ENOX1: variants seen among roughly 807,000 people sequenced by gnomAD.
The protein encoded by ENOX1 is ecto-NOX disulfide-thiol exchanger 1.
In ENOX1, 42 loss-of-function variants were observed where a neutral mutation model predicts 82.5. The observed-to-expected ratio is 0.51, with a 90% CI of 0.40 to 0.66. The LOEUF (loss-of-function observed/expected upper bound fraction) is 0.66, where lower values mean the gene tolerates loss of function less well. ENOX1 is among the 30% of genes least tolerant of loss of function. The pLI is 0.00. For missense variants in ENOX1, 608 were observed against 811.6 expected (o/e 0.75, Z 3.05); for synonymous variants, 271 against 282.2 (o/e 0.96, Z 0.40).
chr13:43,240,713 A>G (rs1226305769), intron 14 of ENOX1, among the ~76,000 whole-genome samples: 2 of 152,224 alleles, frequency 1.3e-5, no homozygotes, highest in African/African-American at 2.4e-5. Flanking sequence ...AGGTTTCTAT[A>G]GCATCTTGTC....
intron 15 of ENOX1, among the ~76,000 whole-genome samples, chr13:43,234,417 A>G (rs1425695248): frequency 6.6e-6 from 1 of 152,208 alleles, no homozygotes; most frequent in Non-Finnish European, 1.5e-5. Context: ...GGGAAAGTTA[A>G]ACTCCTAAGT....
intron 14 of ENOX1, among the ~76,000 whole-genome samples, chr13:43,264,155 G>A (rs561784539): frequency 6.6e-6 from 1 of 152,182 alleles, no homozygotes; most frequent in Non-Finnish European, 1.5e-5. Context: ...ATTATGACAT[G>A]CTTTTGAGAT....
chr13:43,415,240 T>G (rs2054381642), intron 3 of ENOX1, among the ~76,000 whole-genome samples: 1 of 143,854 alleles, frequency 7.0e-6, no homozygotes, highest in African/African-American at 2.6e-5. Flanking sequence ...ATGTTTTTTT[T>G]TTTTTTTTTT....
At chr13:43,298,315 C>CAAA (rs35698699) in intron 12 of ENOX1, 31 bp downstream of exon 12, 38,969 of 1,400,814 alleles carry the variant, frequency 0.028, 158 homozygotes, top group African/African-American at 0.058. Flanking sequence ...CTCTTTCTCT[C>CAAA]AAAAAAAAAA....
chr13:43,503,822 C>G (rs2077059238), intron 2 of ENOX1, among the ~76,000 whole-genome samples: 1 of 151,536 alleles, frequency 6.6e-6, no homozygotes, highest in Non-Finnish European at 1.5e-5. Flanking sequence ...GGACAGGCAA[C>G]AAGAGCAAGC....
At chr13:43,284,976 A>C (rs995877900) in intron 12 of ENOX1, among the ~76,000 whole-genome samples, 2 of 152,182 alleles carry the variant, frequency 1.3e-5, no homozygotes, top group African/African-American at 4.8e-5. Context: ...CAGAAAGTAC[A>C]AAAACCAGAC....
chr13:43,408,166 A>C (rs1222175294), intron 5 of ENOX1, among the ~76,000 whole-genome samples: 1 of 152,212 alleles, frequency 6.6e-6, no homozygotes, highest in Non-Finnish European at 1.5e-5. Flanking sequence ...AAGAGGCGTC[A>C]CTGTGGAAGT....
intron 3 of ENOX1, among the ~76,000 whole-genome samples, chr13:43,431,946 C>T (rs951468643): frequency 6.6e-6 from 1 of 152,148 alleles, no homozygotes; most frequent in Admixed American, 6.5e-5. Context: ...TTCCTCTGGC[C>T]TAATCACCCC....
intron 5 of ENOX1, among the ~76,000 whole-genome samples, chr13:43,366,395 C>T (rs1028895462): frequency 2.2e-4 from 33 of 152,186 alleles, no homozygotes; most frequent in Non-Finnish European, 3.1e-4. Flanking sequence ...CTGCCTCAGC[C>T]TCCTGAGTAG....
At chr13:43,247,845 A>T (rs868193301) in intron 14 of ENOX1, among the ~76,000 whole-genome samples, 1 of 1,092 alleles carries the variant, frequency 9.2e-4, no homozygotes. Context: ...ATATATATAT[A>T]TATATATATA....
chr13:43,488,483 A>C (rs1197093204), intron 2 of ENOX1, among the ~76,000 whole-genome samples: 1 of 152,208 alleles, frequency 6.6e-6, no homozygotes, highest in Non-Finnish European at 1.5e-5. Context: ...TTACCTAATC[A>C]ATGGTATTTG....
At chr13:43,313,996 C>A (rs1267919877) in intron 11 of ENOX1, among the ~76,000 whole-genome samples, 1 of 152,192 alleles carries the variant, frequency 6.6e-6, no homozygotes, top group Non-Finnish European at 1.5e-5. Context: ...TCATTAAAGA[C>A]CCTGCAATGC....
intron 5 of ENOX1, among the ~76,000 whole-genome samples, chr13:43,410,404 C>T (rs2054051345): frequency 6.6e-6 from 1 of 152,078 alleles, no homozygotes; most frequent in Non-Finnish European, 1.5e-5. Context: ...TGTACACCTA[C>T]CTCCCTAGAG....
intron 11 of ENOX1, among the ~76,000 whole-genome samples, chr13:43,314,722 T>G (rs902218477): frequency 6.6e-6 from 1 of 152,158 alleles, no homozygotes; most frequent in Non-Finnish European, 1.5e-5. Flanking sequence ...GATGGAGAGG[T>G]AGAGAAGAAA....
chr13:43,353,879 T>C (rs2153554800), intron 8 of ENOX1, among the ~76,000 whole-genome samples: 1 of 152,384 alleles, frequency 6.6e-6, no homozygotes, highest in East Asian at 1.9e-4. Context: ...ATGGCAAGGC[T>C]TGCAAATTAC....
intron 2 of ENOX1, among the ~76,000 whole-genome samples, chr13:43,572,922 C>A (rs1025984297): frequency 2.0e-5 from 3 of 152,230 alleles, no homozygotes; most frequent in African/African-American, 7.2e-5. Flanking sequence ...AATTTAAAAT[C>A]ATCTCCTCAT....
chr13:43,416,710 G>A (rs11147910), intron 3 of ENOX1, among the ~76,000 whole-genome samples: 5,976 of 149,438 alleles, frequency 0.04, 374 homozygotes, highest in African/African-American at 0.14. Context: ...AGGCAGAGGC[G>A]CTCCTCACTT....
intron 2 of ENOX1, among the ~76,000 whole-genome samples, chr13:43,658,998 G>A (rs2084582992): frequency 6.6e-6 from 1 of 152,014 alleles, no homozygotes; most frequent in Admixed American, 6.6e-5. Context: ...TGAATCTGGT[G>A]TACTATTTTT....
intron 5 of ENOX1, among the ~76,000 whole-genome samples, chr13:43,385,537 A>G (rs947283586): frequency 6.6e-6 from 1 of 152,236 alleles, no homozygotes; most frequent in Non-Finnish European, 1.5e-5. Flanking sequence ...TTCACACATT[A>G]GCAAACATTT....
Sources: allele counts gnomAD v4.1 joint callset (sites outside exome capture counted in the v4.1 genomes callset), GRCh38; gene constraint gnomAD v4.1.1; transcripts MANE v1.5; gene names NCBI Gene and HGNC (gene_info 2026-07-23, HGNC 2026-07-21).